The following CYSLTR1 variants were observed in gnomAD, a reference collection of about 807,000 sequenced individuals.
CYSLTR1 encodes the protein cysteinyl leukotriene receptor 1, also known as G-protein coupled receptor HG55.
CYSLTR1 carries 1 observed loss-of-function variant against 2.1 expected under a neutral mutation model. That is an observed-to-expected ratio of 0.48 (90% CI 0.17 to 2.28). The LOEUF (loss-of-function observed/expected upper bound fraction) is 2.28, where lower values mean the gene tolerates loss of function less well. CYSLTR1 is among the 30% of genes most tolerant of loss of function. CYSLTR1 has a pLI of 0.26. For synonymous variants in CYSLTR1, 110 were observed against 89.6 expected (o/e 1.23, Z -1.28); for missense variants, 299 against 250.1 (o/e 1.20, Z -1.32).
Position 78,272,671 on chromosome X carries a change from A to T in CYSLTR1, c.*62T>A, listed in dbSNP as rs1921320305. 6 of 1,027,069 alleles carry T rather than the reference A, an allele frequency of 5.8e-6. No individual in the cohort carries two copies. Among genetic ancestry groups the T allele is most frequent in the Non-Finnish European group, 6.4e-6 (5 of 782,485 alleles). The allele number at this position is 1,027,069 out of a possible 1,213,427, so 84.6% of individuals were successfully genotyped here. ...AAAATTTTTATTTTTTTTGTAAATGATTTGACAAAATACTTATTTGGGAAA... is the reference window on the plus strand; with the variant it reads ...AAAATTTTTATTTTTTTTGTAAATGTTTTGACAAAATACTTATTTGGGAAA... On this transcript the variant is annotated 3_prime_UTR_variant, in exon 3 of 3. Transcript: ENST00000373304.
Position 78,298,455 on chromosome X carries a change from A to G in CYSLTR1, c.-114-14915T>C, listed in dbSNP as rs191878560. The stretch of plus-strand genomic sequence containing the variant: ...ATCTTCTGTTTGGAACATCTGTCCA[A>G]TGCTGAAAGTGGGGTGTTGAAGTCT... On this transcript the variant is annotated intron_variant, in intron 1 of 2. Transcript: ENST00000373304. Among the ~76,000 whole-genome samples the G allele has an allele frequency of 8.0e-4, 89 of 111,216 alleles. 1 individual carries two copies. The highest frequency in any genetic ancestry group is 2.7e-3 in the African/African-American group (84 of 30,717).
In CYSLTR1 at chrX:78,301,045, T is replaced by A. The variant is rs962639216; in HGVS notation, c.-114-17505A>T. On this transcript the variant is annotated intron_variant, in intron 1 of 2. Transcript: ENST00000373304. ...CAGCCTAAGCTGTACCTCGGCTCCTTTTAGCCATGGCTAGAGTGGCTGGAA... is the reference window on the plus strand; with the variant it reads ...CAGCCTAAGCTGTACCTCGGCTCCTATTAGCCATGGCTAGAGTGGCTGGAA... Among the ~76,000 whole-genome samples the A allele has an allele frequency of 3.6e-5, 4 of 112,598 alleles. No individual in the cohort carries two copies. In the South Asian group the frequency reaches 1.5e-3, roughly 41 times the overall value.
At chrX:78,324,197 C>A (rs1923774914) in intron 1 of CYSLTR1, among the ~76,000 whole-genome samples, 1 of 111,752 alleles carries the variant, frequency 8.9e-6, no homozygotes, top group African/African-American at 3.3e-5. Context: ...TAATTGCCAT[C>A]TGAGGGTGTT....
Position 78,272,373 on chromosome X carries a change from C to T in CYSLTR1, c.*360G>A, listed in dbSNP as rs1204886753. The T allele has an allele frequency of 8.2e-6, 1 of 121,409 alleles. No homozygotes were observed. The highest frequency in any genetic ancestry group is 1.7e-5 in the Non-Finnish European group (1 of 60,063). 10.0% of individuals were successfully genotyped at this position (121,409 alleles called of 1,213,427 possible). On this transcript the variant is annotated 3_prime_UTR_variant, in exon 3 of 3. Transcript: ENST00000373304. ...TAGTTTTATATTTTATAACTTTTAG[C>T]TTGCATGTATTTTTATTGACTAATT...
intron 2 of CYSLTR1, among the ~76,000 whole-genome samples, chrX:78,279,037 G>A (rs2149182972): frequency 8.9e-6 from 1 of 111,930 alleles, no homozygotes; most frequent in East Asian, 2.8e-4. Flanking sequence ...TACCATTCTC[G>A]ACATAGTACC....
At chrX:78,308,908 C>T (rs913719531) in intron 1 of CYSLTR1, among the ~76,000 whole-genome samples, 4 of 110,948 alleles carry the variant, frequency 3.6e-5, no homozygotes, top group Admixed American at 1.9e-4. Context: ...TCTGTGTTTC[C>T]CTGGGAGAGA....
intron 2 of CYSLTR1, among the ~76,000 whole-genome samples, chrX:78,277,802 T>C (rs2149182372): frequency 8.9e-6 from 1 of 111,746 alleles, no homozygotes; most frequent in South Asian, 3.7e-4. Flanking sequence ...ACCTTAAAGG[T>C]ACATCAGCCT....
rs139328047 is a variant in CYSLTR1, at chrX:78,293,086, A to C, written c.-114-9546T>G. On this transcript the variant is annotated intron_variant, in intron 1 of 2. Coordinates refer to ENST00000373304, the MANE Select transcript of CYSLTR1 (RefSeq NM_006639.4). Reference sequence around the variant, plus strand: ...TCTTTAGAGCATCAACAGTCTTTACAATTTGGCATGTTTTTGCAGTGGCTG... The same window carrying C: ...TCTTTAGAGCATCAACAGTCTTTACCATTTGGCATGTTTTTGCAGTGGCTG... Among the ~76,000 whole-genome samples, 733 of 111,352 alleles carry C rather than the reference A, an allele frequency of 6.6e-3. 7 individuals are homozygous for C. Among genetic ancestry groups the C allele is most frequent in the African/African-American group, 0.023 (711 of 30,643 alleles).
At chrX:78,322,615 G>A (rs1281894480) in intron 1 of CYSLTR1, among the ~76,000 whole-genome samples, 2 of 111,955 alleles carry the variant, frequency 1.8e-5, no homozygotes, top group Non-Finnish European at 3.8e-5. Context: ...ATTTGGGGGA[G>A]GAGGGCAGAA....
intron 1 of CYSLTR1, among the ~76,000 whole-genome samples, chrX:78,313,857 T>C (rs991429419): frequency 9.0e-6 from 1 of 111,087 alleles, no homozygotes; most frequent in African/African-American, 3.3e-5. Flanking sequence ...ATTTAGGGGG[T>C]AGAGAGGAGA....
Position 78,271,699 on chromosome X carries a change from A to G in CYSLTR1, c.*1034T>C, listed in dbSNP as rs1407758044. 8.9e-6 allele frequency: 1 copy of G among 111,997 alleles called. No homozygotes were observed. Among genetic ancestry groups the G allele is most frequent in the African/African-American group, 3.2e-5 (1 of 30,875 alleles). The allele number at this position is 111,997 out of a possible 1,213,427, so 9.2% of individuals were successfully genotyped here. A position where few individuals can be genotyped will look rare whatever the true frequency, so the allele number is the denominator to read the frequency against. On this transcript the variant is annotated 3_prime_UTR_variant, in exon 3 of 3. Transcript: ENST00000373304. ...CAATAAAAAGTAATAAAGCAATAAT[A>G]AAACTTATCGTGAACTTTCACCCAT...
rs1922660433 is a variant in CYSLTR1, at chrX:78,298,233, G to A, written c.-114-14693C>T. ...CCAGTTTTATTCCATTGTGGACAGA[G>A]AAGATTCTTGATATTATTTCAATTT... On this transcript the variant is annotated intron_variant, in intron 1 of 2. Coordinates refer to ENST00000373304, the MANE Select transcript of CYSLTR1 (RefSeq NM_006639.4). 1.8e-5 allele frequency among the ~76,000 whole-genome samples: 2 copies of A among 111,698 alleles called. 1 individual carries two copies. Among genetic ancestry groups the A allele is most frequent in the South Asian group, 7.4e-4 (2 of 2,697 alleles).
intron 1 of CYSLTR1, chrX:78,320,137 G>T (rs1373376002): frequency 2.7e-5 from 3 of 111,903 alleles, no homozygotes; most frequent in Non-Finnish European, 5.6e-5. Context: ...GTCAATTTCG[G>T]CTTTTGTTGC....
rs1403388093 is a variant in CYSLTR1 at position 78,303,435 on chromosome X, T to C, written c.-114-19895A>G. ...TACAAAGGTTTTTTTTTAATGTAGA[T>C]AGTTGTTAAATTGGTGTCCTTGTGA... is the stretch of plus-strand genomic sequence containing the variant. On this transcript the variant is annotated intron_variant, in intron 1 of 2. Transcript: ENST00000373304. Among the ~76,000 whole-genome samples the C allele has an allele frequency of 3.7e-5, 4 of 109,378 alleles. No homozygotes were observed. In the East Asian group the frequency reaches 1.1e-3, roughly 31 times the overall value. The allele number at this position is 109,378 out of a possible 115,157, so 95.0% of individuals were successfully genotyped here. A position where few individuals can be genotyped will look rare whatever the true frequency, so the allele number is the denominator to read the frequency against.
intron 1 of CYSLTR1, among the ~76,000 whole-genome samples, chrX:78,299,189 C>G (rs1196243517): frequency 9.0e-6 from 1 of 111,296 alleles, no homozygotes; most frequent in African/African-American, 3.3e-5. Flanking sequence ...TTAACTTTAT[C>G]CCACAACTTT....
intron 2 of CYSLTR1, 78 bp from the exon 3 acceptor site, chrX:78,273,851 T>A: frequency 1.2e-6 from 1 of 860,025 alleles, no homozygotes; most frequent in Non-Finnish European, 1.6e-6. Context: ...TTTCATAGTG[T>A]CACTATGTAT....
At chrX:78,287,482 G>A (rs1327909977) in intron 1 of CYSLTR1, among the ~76,000 whole-genome samples, 1 of 111,451 alleles carries the variant, frequency 9.0e-6, no homozygotes, top group African/African-American at 3.3e-5. Flanking sequence ...TTGCATTGTG[G>A]TGATGACTGC....
chrX:78,298,414 C>G (rs1433683053), intron 1 of CYSLTR1, among the ~76,000 whole-genome samples: 3 of 111,266 alleles, frequency 2.7e-5, no homozygotes, highest in Non-Finnish European at 5.7e-5. Context: ...CAGATTAAGT[C>G]TGATTTTCTT....
At chrX:78,301,756 A>G (rs1922829576) in intron 1 of CYSLTR1, among the ~76,000 whole-genome samples, 1 of 111,953 alleles carries the variant, frequency 8.9e-6, no homozygotes, top group South Asian at 3.7e-4. Context: ...GTATCTTTAC[A>G]GCAGCACCCC....
Sources: allele counts gnomAD v4.1 joint callset (sites outside exome capture counted in the v4.1 genomes callset), GRCh38; gene constraint gnomAD v4.1.1; transcripts MANE v1.5; gene names NCBI Gene and HGNC (gene_info 2026-07-23, HGNC 2026-07-21).